LTBP1: variants seen among roughly 807,000 people sequenced by gnomAD.
LTBP1 encodes latent transforming growth factor beta binding protein 1, also known as latent-transforming growth factor beta-binding protein 1.
In LTBP1, 129 loss-of-function variants were observed where a neutral mutation model predicts 207.6. The observed-to-expected ratio is 0.62, with a 90% CI of 0.54 to 0.72. LTBP1 has a LOEUF of 0.72. Among genes scored for constraint, LTBP1 ranks in the 30% least tolerant of loss-of-function variants. LTBP1 has a pLI of 0.00. For missense variants in LTBP1, 2,281 were observed against 2,217.2 expected (o/e 1.03, Z -0.58); for synonymous variants, 963 against 833.7 (o/e 1.16, Z -2.67).
intron 7 of LTBP1, among the ~76,000 whole-genome samples, chr2:33,194,450 A>T (rs2088305240): frequency 6.6e-6 from 1 of 152,256 alleles, no homozygotes; most frequent in African/African-American, 2.4e-5. Context: ...CAGAGAGTAC[A>T]TGAATGATAA....
Position 33,202,022 on chromosome 2 carries a change from A to AACACACACACAGAC in LTBP1, c.1701+13182_1701+13183insGACACACACACACA, listed in dbSNP as rs1315145413. Among the ~76,000 whole-genome samples, 397 of 140,670 alleles carry AACACACACACAGAC rather than the reference A, an allele frequency of 2.8e-3. 3 individuals carry two copies. The highest frequency in any genetic ancestry group is 1.0e-2 in the African/African-American group (361 of 36,198). The allele number at this position is 140,670 out of a possible 152,430, so 92.3% of individuals were successfully genotyped here. ...CCTAAGCTCTAAAGCTTAGCACTGG[A>AACACACACACAGAC]ACACACACACACACACACACACACA... On this transcript the variant is annotated intron_variant, in intron 7 of 33. Coordinates refer to ENST00000404816, the MANE Select transcript of LTBP1 (RefSeq NM_206943.4).
At chr2:32,975,248 G>GT (rs1176062314) in intron 2 of LTBP1, among the ~76,000 whole-genome samples, 1 of 152,190 alleles carries the variant, frequency 6.6e-6, no homozygotes, top group East Asian at 1.9e-4. Flanking sequence ...CAGGTATGCT[G>GT]TTAGTCTGGT....
At chr2:33,147,650 AG>A (rs1162958276) in intron 5 of LTBP1, among the ~76,000 whole-genome samples, 1 of 152,220 alleles carries the variant, frequency 6.6e-6, no homozygotes, top group Admixed American at 6.5e-5. Flanking sequence ...GTGAGGGCTG[AG>A]GTTTCCTCAT....
chr2:33,222,699 A>C (rs1007804672), intron 9 of LTBP1, among the ~76,000 whole-genome samples: 4 of 152,176 alleles, frequency 2.6e-5, no homozygotes, highest in African/African-American at 9.7e-5. Flanking sequence ...GCAAAGTTGT[A>C]CAAGCAGGGG....
At chr2:33,141,825 A>G (rs948934549) in intron 5 of LTBP1, among the ~76,000 whole-genome samples, 1 of 152,106 alleles carries the variant, frequency 6.6e-6, no homozygotes, top group Non-Finnish European at 1.5e-5. Flanking sequence ...GACTTTTCCT[A>G]TCTCCCATCT....
Position 33,050,334 on chromosome 2 carries a change from G to C in LTBP1, c.863+29128G>C, listed in dbSNP as rs59341314. Among the ~76,000 whole-genome samples the C allele has an allele frequency of 6.1e-3, 923 of 151,980 alleles. 4 individuals carry two copies. The highest frequency in any genetic ancestry group is 0.022 in the African/African-American group (892 of 41,424). ...CTGTAGCACATTCAGGTGACAATAT[G>C]GGTTGAGATGTATCTATAGGACCTA... On this transcript the variant is annotated intron_variant, in intron 3 of 33. Coordinates refer to ENST00000404816, the MANE Select transcript of LTBP1 (RefSeq NM_206943.4).
chr2:33,035,800 A>G (rs890333721), intron 3 of LTBP1, among the ~76,000 whole-genome samples: 7 of 152,198 alleles, frequency 4.6e-5, no homozygotes, highest in African/African-American at 1.4e-4. Context: ...ATCGTTCATA[A>G]TGATTATAAT....
intron 31 of LTBP1, among the ~76,000 whole-genome samples, chr2:33,387,473 G>C (rs189352246): frequency 1.0e-3 from 154 of 152,304 alleles, no homozygotes; most frequent in Middle Eastern, 3.4e-3. Flanking sequence ...AAAAGTGCTG[G>C]GACGCCTGGA....
chr2:33,239,582 G>C (rs2092216373), intron 9 of LTBP1, among the ~76,000 whole-genome samples: 1 of 152,050 alleles, frequency 6.6e-6, no homozygotes, highest in Admixed American at 6.6e-5. Flanking sequence ...AGGAAGGTTT[G>C]TTGACGCTTT....
At chr2:33,309,238 G>A (rs143105680) in intron 22 of LTBP1, among the ~76,000 whole-genome samples, 196 bp from the exon 23 acceptor site, 3,176 of 148,984 alleles carry the variant, frequency 0.021, 109 homozygotes, top group African/African-American at 0.073. Flanking sequence ...AGCCAAGATA[G>A]CGCCACTGCA....
At chr2:33,031,501 C>G (rs2075688348) in intron 3 of LTBP1, among the ~76,000 whole-genome samples, 1 of 152,176 alleles carries the variant, frequency 6.6e-6, no homozygotes, top group African/African-American at 2.4e-5. Context: ...CTGCAAAATA[C>G]TGAATAACAT....
At chr2:33,083,763 A>G (rs186731110) in intron 3 of LTBP1, among the ~76,000 whole-genome samples, 8 of 152,330 alleles carry the variant, frequency 5.3e-5, no homozygotes, top group Admixed American at 5.2e-4. Flanking sequence ...GCAGAATGTT[A>G]CCATTTGAAT....
chr2:33,036,160 C>G (rs916910641), intron 3 of LTBP1, among the ~76,000 whole-genome samples: 1 of 152,098 alleles, frequency 6.6e-6, no homozygotes, highest in East Asian at 1.9e-4. Flanking sequence ...GAATCAGAAT[C>G]GCCGGTGGAG....
chr2:33,310,219 T>C (rs937777833), intron 23 of LTBP1, among the ~76,000 whole-genome samples: 1 of 152,184 alleles, frequency 6.6e-6, no homozygotes, highest in Non-Finnish European at 1.5e-5. Flanking sequence ...ATGCTGGGAT[T>C]ACAGGCATGA....
At chr2:33,034,410 A>G (rs1030744515) in intron 3 of LTBP1, among the ~76,000 whole-genome samples, 1 of 152,192 alleles carries the variant, frequency 6.6e-6, no homozygotes, top group African/African-American at 2.4e-5. Flanking sequence ...CTGGGCTTCT[A>G]CTTGAAATTT....
intron 2 of LTBP1, among the ~76,000 whole-genome samples, chr2:32,968,963 T>C (rs1680416774): frequency 1.4e-5 from 2 of 145,714 alleles, no homozygotes; most frequent in Non-Finnish European, 3.0e-5. Flanking sequence ...TCACCCAGGC[T>C]GGAGTGCAGT....
intron 5 of LTBP1, among the ~76,000 whole-genome samples, chr2:33,144,399 T>G (rs1410183658): frequency 6.6e-6 from 1 of 152,182 alleles, no homozygotes; most frequent in Non-Finnish European, 1.5e-5. Context: ...CCTCTCTGCC[T>G]TGGATCGTGC....
chr2:33,149,228 C>CAAA (rs58303103), intron 5 of LTBP1, among the ~76,000 whole-genome samples: 2,077 of 82,394 alleles, frequency 0.025, 138 homozygotes, highest in Non-Finnish European at 0.028. Context: ...CACAAAAAAA[C>CAAA]AAAAAAAAAA....
intron 19 of LTBP1, among the ~76,000 whole-genome samples, chr2:33,291,166 C>G (rs1337886298): frequency 1.3e-5 from 2 of 152,152 alleles, no homozygotes; most frequent in Non-Finnish European, 2.9e-5. Context: ...TCAGGCTACC[C>G]TAGATATTTC....
Sources: allele counts gnomAD v4.1 joint callset (sites outside exome capture counted in the v4.1 genomes callset), GRCh38; gene constraint gnomAD v4.1.1; transcripts MANE v1.5; gene names NCBI Gene and HGNC (gene_info 2026-07-23, HGNC 2026-07-21).